AGAP1: variants seen among roughly 807,000 people sequenced by gnomAD.
AGAP1 encodes the protein ArfGAP with GTPase domain, ankyrin repeat and PH domain 1.
A neutral mutation model predicts 105.3 loss-of-function variants in AGAP1; 29 were observed. The observed-to-expected ratio is 0.28, with a 90% CI of 0.21 to 0.38. AGAP1 has a LOEUF of 0.38. Ranked by LOEUF, AGAP1 falls within the 10% of genes least tolerant of loss-of-function variation. The pLI is 1.00. For synonymous variants in AGAP1, 509 were observed against 485.9 expected (o/e 1.05, Z -0.63); for missense variants, 998 against 1,165.1 (o/e 0.86, Z 2.09).
At position 236,019,904 on chromosome 2, in the gene AGAP1, T is replaced by C. The variant is rs138293847; in HGVS notation, c.1646-16657T>C. ...CCGGCAGTCTCCCCAGTGCCCCGTGTGGGTCCCCACTGTGAGAGGCTGCCT... is the reference window on the plus strand; with the variant it reads ...CCGGCAGTCTCCCCAGTGCCCCGTGCGGGTCCCCACTGTGAGAGGCTGCCT... On this transcript the variant is annotated intron_variant, in intron 13 of 17. Transcript: ENST00000304032. 5.8e-3 allele frequency among the ~76,000 whole-genome samples: 880 copies of C among 152,362 alleles called. 3 individuals are homozygous for C. Among genetic ancestry groups the C allele is most frequent in the African/African-American group, 0.02 (830 of 41,588 alleles).
intron 16 of AGAP1, among the ~76,000 whole-genome samples, chr2:236,070,541 C>A (rs2058468726): frequency 6.6e-6 from 1 of 152,216 alleles, no homozygotes; most frequent in Non-Finnish European, 1.5e-5. Flanking sequence ...TGGAAACAAA[C>A]TAAAATGTCT....
rs1944821133 is a variant in AGAP1 at position 235,578,749 on chromosome 2, C to CAAT, written c.163+83901_163+83902insATA. On this transcript the variant is annotated intron_variant, in intron 1 of 17. Coordinates refer to ENST00000304032, the MANE Select transcript of AGAP1 (RefSeq NM_001037131.3). The surrounding 1 kb of genome is among the most constrained non-coding windows in gnomAD (Gnocchi z 4.9). ...GCAGTAAGCCGACATTGTGCCACTG[C>CAAT]ACTCCAGCCTGGGCAATACAGCGAG... 6.7e-6 allele frequency among the ~76,000 whole-genome samples: 1 copy of CAAT among 149,312 alleles called. No homozygotes were observed. Among genetic ancestry groups the CAAT allele is most frequent in the Non-Finnish European group, 1.5e-5 (1 of 67,686 alleles).
Position 236,120,509 on chromosome 2 carries a change from G to C in AGAP1, c.2370+62G>C. On this transcript the variant is annotated intron_variant, in intron 17 of 17. Coordinates refer to ENST00000304032, the MANE Select transcript of AGAP1 (RefSeq NM_001037131.3). This position sits in a 1 kb window ranked among gnomAD's most constrained non-coding sequence, Gnocchi z 6.0. ...CAGGAGGCACTCTCTGCTTTGTTCT[G>C]CTTCCGTGGGCATCTTTCTGGCAGA... The C allele has an allele frequency of 6.3e-7, 1 of 1,591,656 alleles. No homozygotes were observed. Among genetic ancestry groups the C allele is most frequent in the Non-Finnish European group, 8.5e-7 (1 of 1,170,654 alleles).
intron 6 of AGAP1, among the ~76,000 whole-genome samples, chr2:235,775,961 C>T (rs1478915950): frequency 6.6e-6 from 1 of 152,172 alleles, no homozygotes; most frequent in Non-Finnish European, 1.5e-5. Flanking sequence ...GCCTTATGTG[C>T]AACCGCCAGC....
rs1364767706 is a variant in AGAP1, at chr2:235,741,319, C to T, written c.396+271C>T. Among the ~76,000 whole-genome samples, 3 of 152,112 alleles carry T rather than the reference C, an allele frequency of 2.0e-5. No individual in the cohort carries two copies. Among genetic ancestry groups the T allele is most frequent in the Admixed American group, 6.5e-5 (1 of 15,280 alleles). On this transcript the variant is annotated intron_variant, in intron 4 of 17. Transcript: ENST00000304032. This position sits in a 1 kb window ranked among gnomAD's most constrained non-coding sequence, Gnocchi z 4.9. Reference sequence around the variant, plus strand: ...AAAAGGCAGGAAACGCACACTCTGCCCTGGTTGGGGAGCCCAGTTGAAATG... The same window carrying T: ...AAAAGGCAGGAAACGCACACTCTGCTCTGGTTGGGGAGCCCAGTTGAAATG...
rs954920965 is a variant in AGAP1 at position 235,769,231 on chromosome 2, G to A, written c.673+18743G>A. Reference sequence around the variant, plus strand: ...TCTTTTGTCCCCCAGTGCCTGGCACGGTGCCCTCCAGGAGTACTCCTGGGA... The same window carrying A: ...TCTTTTGTCCCCCAGTGCCTGGCACAGTGCCCTCCAGGAGTACTCCTGGGA... On this transcript the variant is annotated intron_variant, in intron 6 of 17. Coordinates refer to ENST00000304032, the MANE Select transcript of AGAP1 (RefSeq NM_001037131.3). The surrounding 1 kb of genome is among the most constrained non-coding windows in gnomAD (Gnocchi z 4.4). 1.6e-4 allele frequency among the ~76,000 whole-genome samples: 25 copies of A among 152,194 alleles called. 1 individual carries two copies. The highest frequency in any genetic ancestry group is 5.5e-4 in the African/African-American group (23 of 41,450).
At chr2:235,831,368 G>C (rs1487508224) in intron 9 of AGAP1, among the ~76,000 whole-genome samples, 1 of 152,124 alleles carries the variant, frequency 6.6e-6, no homozygotes, top group Non-Finnish European at 1.5e-5. Context: ...CTGTTGGAGT[G>C]TGTTCTGTGA....
chr2:235,827,466 T>C (rs1241195738), intron 9 of AGAP1, among the ~76,000 whole-genome samples: 1 of 152,204 alleles, frequency 6.6e-6, no homozygotes, highest in Non-Finnish European at 1.5e-5. Context: ...CTTTAATGAC[T>C]ATTTCTACTA....
chr2:236,059,322 A>G (rs1324847921), intron 16 of AGAP1, among the ~76,000 whole-genome samples: 1 of 152,230 alleles, frequency 6.6e-6, no homozygotes, highest in African/African-American at 2.4e-5. Context: ...ATCGAAAGAA[A>G]TTAAAGAAGA....
chr2:235,772,940 C>G (rs1378964005), intron 6 of AGAP1, among the ~76,000 whole-genome samples: 1 of 150,488 alleles, frequency 6.6e-6, no homozygotes, highest in Non-Finnish European at 1.5e-5. Context: ...GTGAAAAGCA[C>G]CAAGCTGTCT....
rs1248204799 is a variant in AGAP1, at chr2:235,747,908, G to T, written c.539-2446G>T. Among the ~76,000 whole-genome samples, 1 of 152,228 alleles carries T rather than the reference G, an allele frequency of 6.6e-6. No individual in the cohort carries two copies. Among genetic ancestry groups the T allele is most frequent in the East Asian group, 1.9e-4 (1 of 5,186 alleles). On this transcript the variant is annotated intron_variant, in intron 5 of 17. Coordinates refer to ENST00000304032, the MANE Select transcript of AGAP1 (RefSeq NM_001037131.3). The surrounding 1 kb of genome is among the most constrained non-coding windows in gnomAD (Gnocchi z 5.0). ...AGAGGAATTAGGTTCATTGCCAAAG[G>T]ATTCCTGGGCTGGGGTGAGGCCTCC...
intron 1 of AGAP1, among the ~76,000 whole-genome samples, chr2:235,511,395 G>T (rs1412812524): frequency 1.3e-5 from 2 of 152,116 alleles, no homozygotes; most frequent in Non-Finnish European, 2.9e-5. Context: ...CCTCAGGGAG[G>T]GGGGCAGCCA....
chr2:235,853,730 G>A (rs559125270), intron 9 of AGAP1, among the ~76,000 whole-genome samples: 1 of 152,200 alleles, frequency 6.6e-6, no homozygotes, highest in East Asian at 1.9e-4. Flanking sequence ...GCATCTACAA[G>A]TGCTGAAATT....
At chr2:235,837,311 A>G (rs114532869) in intron 9 of AGAP1, among the ~76,000 whole-genome samples, 2,286 of 152,210 alleles carry the variant, frequency 0.015, 47 homozygotes, top group African/African-American at 0.052. Context: ...TGAAAGGTTT[A>G]GGCTAAATAT....
intron 15 of AGAP1, among the ~76,000 whole-genome samples, chr2:236,048,027 T>G (rs1199341771): frequency 6.6e-6 from 1 of 152,216 alleles, no homozygotes; most frequent in Non-Finnish European, 1.5e-5. Flanking sequence ...TACTTGCCAT[T>G]TATAAAACAA....
At position 235,577,765 on chromosome 2, in the gene AGAP1, C is replaced by T. The variant is rs967218708; in HGVS notation, c.163+82916C>T. 6.6e-6 allele frequency among the ~76,000 whole-genome samples: 1 copy of T among 152,078 alleles called. No homozygotes were observed. The highest frequency in any genetic ancestry group is 2.4e-5 in the African/African-American group (1 of 41,394). ...CATTCAACACAGGCTTGTCTGCTGG[C>T]CTCCCCCGGGAGAGAGAGTAGGTTT... is the stretch of plus-strand genomic sequence containing the variant. On this transcript the variant is annotated intron_variant, in intron 1 of 17. Transcript: ENST00000304032. This position sits in a 1 kb window ranked among gnomAD's most constrained non-coding sequence, Gnocchi z 4.5.
intron 1 of AGAP1, among the ~76,000 whole-genome samples, chr2:235,568,041 A>G (rs992807510): frequency 6.6e-6 from 1 of 152,062 alleles, no homozygotes; most frequent in Non-Finnish European, 1.5e-5. Context: ...GCTGGGTGAC[A>G]CTGCCAGTTC....
chr2:235,841,016 A>C (rs2106392580), intron 9 of AGAP1, among the ~76,000 whole-genome samples: 1 of 152,124 alleles, frequency 6.6e-6, no homozygotes, highest in East Asian at 1.9e-4. Flanking sequence ...TTGCCTTTTG[A>C]AAGAGGGAGA....
chr2:235,730,158 A>G (rs867822939), intron 3 of AGAP1, among the ~76,000 whole-genome samples: 1 of 152,154 alleles, frequency 6.6e-6, no homozygotes, highest in Non-Finnish European at 1.5e-5. Flanking sequence ...TTGCATATTG[A>G]AAAAGAGAGT....
Sources: allele counts gnomAD v4.1 joint callset (sites outside exome capture counted in the v4.1 genomes callset), GRCh38; gene constraint gnomAD v4.1.1; non-coding constraint Gnocchi (gnomAD v3.1); transcripts MANE v1.5; gene names NCBI Gene and HGNC (gene_info 2026-07-23, HGNC 2026-07-21).